FLVCR1: variants seen among roughly 807,000 people sequenced by gnomAD.
FLVCR1 encodes the protein choline/ethanolamine transporter FLVCR1.
In FLVCR1, 34 loss-of-function variants were observed where a neutral mutation model predicts 53.6. The observed-to-expected ratio is 0.63, with a 90% CI of 0.48 to 0.84. FLVCR1 has a LOEUF of 0.84. Ranked by LOEUF, FLVCR1 falls within the 40% of genes least tolerant of loss-of-function variation. FLVCR1 has a pLI of 0.00. For missense variants in FLVCR1, 677 were observed against 696.7 expected (o/e 0.97, Z 0.32); for synonymous variants, 300 against 286.3 (o/e 1.05, Z -0.48).
In FLVCR1 at chr1:212,880,795, TAAAA is replaced by T. The variant is rs36005550; in HGVS notation, c.1025-2561_1025-2558del. Among the ~76,000 whole-genome samples the T allele has an allele frequency of 5.3e-3, 749 of 142,110 alleles. 8 individuals are homozygous for T. The highest frequency in any genetic ancestry group is 0.019 in the African/African-American group (711 of 37,630). The allele number at this position is 142,110 out of a possible 152,430, so 93.2% of individuals were successfully genotyped here. A position where few individuals can be genotyped will look rare whatever the true frequency, so the allele number is the denominator to read the frequency against. On this transcript the variant is annotated intron_variant, in intron 3 of 9. Transcript: ENST00000366971. ...TGAGCAACAGAGTGAGACTCTTTAT[TAAAA>T]AAAAAAAAAAAAAAGAAGTCCTGCT...
rs1257582920 is a variant in FLVCR1 at position 212,898,017 on chromosome 1, G to C, written c.*2727G>C. 2 of 152,164 alleles carry C rather than the reference G, an allele frequency of 1.3e-5. No homozygotes were observed. Among genetic ancestry groups the C allele is most frequent in the Non-Finnish European group, 2.9e-5 (2 of 68,038 alleles). The allele number at this position is 152,164 out of a possible 1,614,324, so 9.4% of individuals were successfully genotyped here. ...TGTGTTATCTAAAGAATTTGACTAA[G>C]AATCAGGAACTCTGTGTCCATGTCC... On this transcript the variant is annotated 3_prime_UTR_variant, in exon 10 of 10. Transcript: ENST00000366971.
intron 8 of FLVCR1, among the ~76,000 whole-genome samples, chr1:212,889,677 G>A (rs914035481): frequency 1.4e-5 from 2 of 147,790 alleles, no homozygotes. Context: ...AAAATTGCTT[G>A]AACCCAGGAG....
At chr1:212,889,119 C>T (rs764566412) in intron 7 of FLVCR1, 27 bp from the exon 8 acceptor site, 17 of 1,421,412 alleles carry the variant, frequency 1.2e-5, no homozygotes, top group African/African-American at 4.2e-5. Context: ...AACTTAATAA[C>T]GAATGATTTT....
intron 3 of FLVCR1, among the ~76,000 whole-genome samples, chr1:212,876,343 A>G (rs1247469833): frequency 1.3e-5 from 2 of 149,518 alleles, no homozygotes; most frequent in South Asian, 2.1e-4. Flanking sequence ...AGCTCCATCC[A>G]TGTCCCTGCA....
Position 212,858,860 on chromosome 1 carries a change from G to C in FLVCR1, c.408G>C (p.Glu136Asp). The change falls in exon 1 of 10, where the codon GAG becomes GAC. Residue 136 changes from glutamate (E) to aspartate (D), a missense_variant. By Grantham distance (45) the Glu-to-Asp change is conservative (BLOSUM62 2). Transcript: ENST00000366971. ...IQYSIISNVF[E>D]GFYGVTLLHI... ...ACAGCATCATTAGCAACGTCTTCGA[G>C]GGCTTCTACGGTGTCACCTTGCTGC... 4 of 1,614,224 alleles carry C rather than the reference G, an allele frequency of 2.5e-6. No homozygotes were observed. The highest frequency in any genetic ancestry group is 3.4e-6 in the Non-Finnish European group (4 of 1,180,044).
intron 2 of FLVCR1, among the ~76,000 whole-genome samples, chr1:212,868,499 T>C (rs1874419): frequency 0.69 from 104,834 of 152,186 alleles, 37,676 homozygotes; most frequent in East Asian, 1. Flanking sequence ...CCGCAACCTC[T>C]GCCTCCCGGA....
At position 212,896,007 on chromosome 1, in the gene FLVCR1, A is replaced by C. The variant is rs973168221; in HGVS notation, c.*717A>C. The C allele has an allele frequency of 6.6e-6, 1 of 152,344 alleles. No individual in the cohort carries two copies. The highest frequency in any genetic ancestry group is 2.4e-5 in the African/African-American group (1 of 41,458). The allele number at this position is 152,344 out of a possible 1,614,324, so 9.4% of individuals were successfully genotyped here. A position where few individuals can be genotyped will look rare whatever the true frequency, so the allele number is the denominator to read the frequency against. On this transcript the variant is annotated 3_prime_UTR_variant, in exon 10 of 10. Coordinates refer to ENST00000366971, the MANE Select transcript of FLVCR1 (RefSeq NM_014053.4). ...AATTAAGGAGCCTGGTTACAGGTTCATTCTGTCTTGAGTTCTTTTCTGTGC... is the reference window on the plus strand; with the variant it reads ...AATTAAGGAGCCTGGTTACAGGTTCCTTCTGTCTTGAGTTCTTTTCTGTGC...
At chr1:212,893,034 C>T (rs368415926) in intron 8 of FLVCR1, among the ~76,000 whole-genome samples, 2 of 148,626 alleles carry the variant, frequency 1.3e-5, no homozygotes, top group South Asian at 4.2e-4. Context: ...ATGGTAAAAC[C>T]TGAAGAAATG....
Position 212,880,661 on chromosome 1 carries a change from G to A in FLVCR1, c.1025-2710G>A, listed in dbSNP as rs144234815. 7.5e-3 allele frequency among the ~76,000 whole-genome samples: 1,143 copies of A among 152,230 alleles called. 19 individuals are homozygous for A. The highest frequency in any genetic ancestry group is 0.026 in the African/African-American group (1,066 of 41,532). On this transcript the variant is annotated intron_variant, in intron 3 of 9. Coordinates refer to ENST00000366971, the MANE Select transcript of FLVCR1 (RefSeq NM_014053.4). The stretch of plus-strand genomic sequence containing the variant: ...AAAAATACAAAAATTAGCCAGGTGT[G>A]TTGGTGGGCACCTGTAATCCCAGCT...
At chr1:212,873,754 TTC>T (rs1664672347) in intron 3 of FLVCR1, among the ~76,000 whole-genome samples, 1 of 152,270 alleles carries the variant, frequency 6.6e-6, no homozygotes, top group African/African-American at 2.4e-5. Context: ...CTCACTGCTA[TTC>T]TCTGTTTCAC....
rs867110653 is a variant in FLVCR1, at chr1:212,858,363, G to T, written c.-90G>T. On this transcript the variant is annotated 5_prime_UTR_variant, in exon 1 of 10. Coordinates refer to ENST00000366971, the MANE Select transcript of FLVCR1 (RefSeq NM_014053.4). ...AGCGGTGGGCCGAGGGGTTGGAGGT[G>T]GGGCCCCAGGAGGACCTCGGGCTGT... 4.0e-6 allele frequency: 5 copies of T among 1,254,228 alleles called. No homozygotes were observed. Among genetic ancestry groups the T allele is most frequent in the Non-Finnish European group, 3.2e-6 (3 of 943,706 alleles). 77.7% of individuals were successfully genotyped at this position (1,254,228 alleles called of 1,614,324 possible).
At chr1:212,885,550 CTTTTTTT>C (rs539282150) in intron 5 of FLVCR1, 154 bp downstream of exon 5, 2 of 298,008 alleles carry the variant, frequency 6.7e-6, no homozygotes, top group African/African-American at 2.7e-5. Context: ...ACAAGTGTTT[CTTTTTTT>C]TTTTTTTTTT....
chr1:212,890,637 G>A (rs1034533173), intron 8 of FLVCR1, among the ~76,000 whole-genome samples: 3 of 152,146 alleles, frequency 2.0e-5, no homozygotes, highest in Non-Finnish European at 2.9e-5. Flanking sequence ...GGTATCTGAG[G>A]TGGGGTCTTG....
Position 212,876,304 on chromosome 1 carries a change from G to C in FLVCR1, c.1024+3486G>C, listed in dbSNP as rs73077871. Among the ~76,000 whole-genome samples the C allele has an allele frequency of 4.4e-3, 675 of 151,784 alleles. 3 individuals are homozygous for C. The highest frequency in any genetic ancestry group is 0.016 in the African/African-American group (646 of 41,410). ...ATGTTGTGGTTGGTTTTCTGTTCTT[G>C]CCTTAGTTTGCTGAGAATAACTGCT... On this transcript the variant is annotated intron_variant, in intron 3 of 9. Coordinates refer to ENST00000366971, the MANE Select transcript of FLVCR1 (RefSeq NM_014053.4).
In FLVCR1 at chr1:212,899,103, C is replaced by T. The variant is rs1346533711; in HGVS notation, c.*3813C>T. On this transcript the variant is annotated 3_prime_UTR_variant, in exon 10 of 10. Coordinates refer to ENST00000366971, the MANE Select transcript of FLVCR1 (RefSeq NM_014053.4). The stretch of plus-strand genomic sequence containing the variant: ...ACTTGTGTGAATTTTAATCAAATGA[C>T]TTAGGAAAGAAACTGGATGTTTCAA... The T allele has an allele frequency of 6.6e-6, 1 of 152,140 alleles. No individual in the cohort carries two copies. The highest frequency in any genetic ancestry group is 2.4e-5 in the African/African-American group (1 of 41,424). The allele number at this position is 152,140 out of a possible 1,614,324, so 9.4% of individuals were successfully genotyped here. A position where few individuals can be genotyped will look rare whatever the true frequency, so the allele number is the denominator to read the frequency against.
chr1:212,881,484 G>T (rs1411629157), intron 3 of FLVCR1, among the ~76,000 whole-genome samples: 1 of 151,674 alleles, frequency 6.6e-6, no homozygotes, highest in African/African-American at 2.4e-5. Context: ...GACTACAGGC[G>T]CACACCACTG....
At chr1:212,872,397 G>T (rs1459997140) in intron 2 of FLVCR1, among the ~76,000 whole-genome samples, 1 of 152,202 alleles carries the variant, frequency 6.6e-6, no homozygotes, top group African/African-American at 2.4e-5. Flanking sequence ...AGGCAAGGTT[G>T]TGGCATATTA....
chr1:212,895,306 T>C lies in FLVCR1; in HGVS notation c.*16T>C. The stretch of plus-strand genomic sequence containing the variant: ...AGCAATTTGAAGAGAAAGGCAAAGT[T>C]ACTGTCCTGTAGTAATTGGGGACAA... On this transcript the variant is annotated 3_prime_UTR_variant, in exon 10 of 10. Coordinates refer to ENST00000366971, the MANE Select transcript of FLVCR1 (RefSeq NM_014053.4). 6.3e-7 allele frequency: 1 copy of C among 1,586,792 alleles called. No individual in the cohort carries two copies. Among genetic ancestry groups the C allele is most frequent in the Non-Finnish European group, 8.7e-7 (1 of 1,154,986 alleles).
At chr1:212,875,715 C>T (rs897927920) in intron 3 of FLVCR1, among the ~76,000 whole-genome samples, 16 of 151,676 alleles carry the variant, frequency 1.1e-4, no homozygotes, top group African/African-American at 3.6e-4. Context: ...TGGGTGCGCA[C>T]CTATAGTCCT....
Sources: allele counts gnomAD v4.1 joint callset (sites outside exome capture counted in the v4.1 genomes callset), GRCh38; gene constraint gnomAD v4.1.1; transcripts MANE v1.5; gene names NCBI Gene and HGNC (gene_info 2026-07-23, HGNC 2026-07-21).